SNPH: variants seen among roughly 807,000 people sequenced by gnomAD.
SNPH encodes the protein syntaphilin.
In SNPH, 10 loss-of-function variants were observed where a neutral mutation model predicts 36.8. The ratio of observed to expected loss-of-function variants is 0.27; its 90% CI spans 0.17 to 0.46. The LOEUF (loss-of-function observed/expected upper bound fraction) is 0.46. SNPH is among the 20% of genes least tolerant of loss of function. The probability of loss-of-function intolerance (pLI) is 1.00; values close to 1 mark genes in which losing one functional copy is unlikely to be tolerated. For synonymous variants in SNPH, 281 were observed against 312.2 expected (o/e 0.90, Z 1.05); for missense variants, 622 against 744.0 (o/e 0.84, Z 1.91).
chr20:1,274,697 G>A (rs1334609757), intron 2 of SNPH, among the ~76,000 whole-genome samples: 1 of 152,220 alleles, frequency 6.6e-6, no homozygotes, highest in Non-Finnish European at 1.5e-5. Flanking sequence ...GACTGTGTAA[G>A]GACTGTGAGT....
Position 1,300,694 on chromosome 20 carries a change from G to C in SNPH, c.423G>C (p.Gln141His). 1.2e-6 allele frequency: 2 copies of C among 1,611,856 alleles called. No homozygotes were observed. The highest frequency in any genetic ancestry group is 8.5e-7 in the Non-Finnish European group (1 of 1,179,846). Residue 141 changes from glutamine (Q) to histidine (H), a missense_variant, in exon 6 of 7, where the codon CAG becomes CAC. Coordinates refer to ENST00000381867, the MANE Select transcript of SNPH (RefSeq NM_001318234.2). ...RHLKARLKDT[Q>H]DRLQDRDTEI... Reference sequence around the variant, plus strand: ...TGAAAGCCCGGCTGAAGGACACACAGGACCGGCTCCAGGACCGGTGAGCGG... The same window carrying C: ...TGAAAGCCCGGCTGAAGGACACACACGACCGGCTCCAGGACCGGTGAGCGG...
At chr20:1,270,109 GGCTCCGAAAGGCCTACAT>G (rs1194599557) in intron 2 of SNPH, among the ~76,000 whole-genome samples, 1 of 152,178 alleles carries the variant, frequency 6.6e-6, no homozygotes, top group Non-Finnish European at 1.5e-5. Context: ...TGCATCTACT[GGCTCCGAAAGGCCTACAT>G]GCACCCTTGT....
intron 2 of SNPH, among the ~76,000 whole-genome samples, chr20:1,284,511 C>T (rs926458856): frequency 2.0e-5 from 3 of 152,018 alleles, no homozygotes; most frequent in Non-Finnish European, 2.9e-5. Context: ...TTGCTAAGGA[C>T]GGTGGAGAAA....
intron 2 of SNPH, among the ~76,000 whole-genome samples, chr20:1,268,558 T>G (rs961047832): frequency 6.6e-6 from 1 of 152,164 alleles, no homozygotes; most frequent in Non-Finnish European, 1.5e-5. Context: ...TCCATAGGGT[T>G]GGGTGGGGAA....
chr20:1,297,030 T>C, intron 4 of SNPH, 115 bp from the exon 5 acceptor site: 4 of 1,465,374 alleles, frequency 2.7e-6, no homozygotes, highest in Non-Finnish European at 3.6e-6. Context: ...TTCTCTCCCC[T>C]GTGGTGACCC....
intron 2 of SNPH, among the ~76,000 whole-genome samples, chr20:1,271,599 C>G (rs1001290946): frequency 5.9e-5 from 9 of 152,158 alleles, no homozygotes; most frequent in Non-Finnish European, 8.8e-5. Flanking sequence ...GCCTTGGCCT[C>G]CCAAAGTGTC....
rs1477150321 is a variant in SNPH at position 1,295,964 on chromosome 20, C to A, written c.-276C>A. 1 of 421,548 alleles carries A rather than the reference C, an allele frequency of 2.4e-6. No homozygotes were observed. Among genetic ancestry groups the A allele is most frequent in the Non-Finnish European group, 4.2e-6 (1 of 240,720 alleles). 26.1% of individuals were successfully genotyped at this position (421,548 alleles called of 1,614,324 possible). On this transcript the variant is annotated 5_prime_UTR_variant, in exon 4 of 7. Transcript: ENST00000381867. ...GGTCCTGGGGAAGAAGCAGGCCTGG[C>A]TCGTAGAGTAGAAGACTCGGTGCCG...
At chr20:1,297,073 G>A in intron 4 of SNPH, 72 bp from the exon 5 acceptor site, 1 of 1,526,656 alleles carries the variant, frequency 6.6e-7, no homozygotes. Context: ...GCAGCGGCCT[G>A]GCAGTGTTCG....
At chr20:1,287,741 A>C (rs1175662614) in intron 2 of SNPH, among the ~76,000 whole-genome samples, 1 of 152,162 alleles carries the variant, frequency 6.6e-6, no homozygotes, top group African/African-American at 2.4e-5. Flanking sequence ...ATTTTTAGGG[A>C]TGGAAGTCTC....
Position 1,294,381 on chromosome 20 carries a change from A to C in SNPH, c.-492-570A>C, listed in dbSNP as rs1421690915. 1.3e-5 allele frequency among the ~76,000 whole-genome samples: 2 copies of C among 152,186 alleles called. No homozygotes were observed. The highest frequency in any genetic ancestry group is 1.5e-5 in the Non-Finnish European group (1 of 68,016). ...ATCCTCCTGTGCCCAGGAGGCAGTG[A>C]GCCATTTATGGCCATCCTCACAAGC... On this transcript the variant is annotated intron_variant, in intron 2 of 6. Transcript: ENST00000381867. The surrounding 1 kb of genome is among the most constrained non-coding windows in gnomAD (Gnocchi z 4.4).
At chr20:1,271,682 A>G (rs2088074917) in intron 2 of SNPH, among the ~76,000 whole-genome samples, 1 of 152,250 alleles carries the variant, frequency 6.6e-6, no homozygotes, top group Non-Finnish European at 1.5e-5. Flanking sequence ...CTTGAGGAAG[A>G]ATAAGATAAA....
Position 1,266,743 on chromosome 20 carries a change from G to A in SNPH, c.-510G>A, listed in dbSNP as rs2088010565. 2 of 1,396,568 alleles carry A rather than the reference G, an allele frequency of 1.4e-6. No homozygotes were observed. Among genetic ancestry groups the A allele is most frequent in the East Asian group, 6.1e-5 (2 of 32,614 alleles). The allele number at this position is 1,396,568 out of a possible 1,614,324, so 86.5% of individuals were successfully genotyped here. On this transcript the variant is annotated 5_prime_UTR_variant, in exon 2 of 7. Coordinates refer to ENST00000381867, the MANE Select transcript of SNPH (RefSeq NM_001318234.2). The surrounding 1 kb of genome is among the most constrained non-coding windows in gnomAD (Gnocchi z 6.0). ...AGTGGTGCGAGCCGGCGGGGCTGCG[G>A]AGGGCCAGTGGACTCAGGTGAGGAG...
In SNPH at chr20:1,288,619, C is replaced by CTTT. The variant is rs201764007; in HGVS notation, c.-492-6327_-492-6325dup. 1.1e-4 allele frequency among the ~76,000 whole-genome samples: 16 copies of CTTT among 140,782 alleles called. 2 individuals carry two copies. Among genetic ancestry groups the CTTT allele is most frequent in the African/African-American group, 1.0e-4 (4 of 38,620 alleles). The allele number at this position is 140,782 out of a possible 152,430, so 92.4% of individuals were successfully genotyped here. ...GAAGGCACATGAGGAATTTCTTTTT[C>CTTT]TTTTTTTCTTTTTTTTTTTGAGATG... On this transcript the variant is annotated intron_variant, in intron 2 of 6. Transcript: ENST00000381867.
Position 1,285,567 on chromosome 20 carries a change from A to G in SNPH, c.-492-9384A>G, listed in dbSNP as rs189303198. Among the ~76,000 whole-genome samples the G allele has an allele frequency of 7.2e-4, 110 of 152,314 alleles. No homozygotes were observed. The highest frequency in any genetic ancestry group is 2.4e-3 in the African/African-American group (99 of 41,564). On this transcript the variant is annotated intron_variant, in intron 2 of 6. Coordinates refer to ENST00000381867, the MANE Select transcript of SNPH (RefSeq NM_001318234.2). The surrounding 1 kb of genome is among the most constrained non-coding windows in gnomAD (Gnocchi z 4.9). The stretch of plus-strand genomic sequence containing the variant: ...TTCACACGTGTTATTGCTCATTGTG[A>G]TTATACTCATGCACAACTGTAATTA...
chr20:1,268,398 C>G (rs950955608), intron 2 of SNPH, among the ~76,000 whole-genome samples: 1 of 152,110 alleles, frequency 6.6e-6, no homozygotes, highest in African/African-American at 2.4e-5. Context: ...CTAGAGTCAC[C>G]CTGAGGCCAG....
At chr20:1,282,110 C>T (rs530556666) in intron 2 of SNPH, among the ~76,000 whole-genome samples, 5 of 152,190 alleles carry the variant, frequency 3.3e-5, no homozygotes, top group Non-Finnish European at 5.9e-5. Flanking sequence ...AAGTAGAAAA[C>T]CCAGCTAATA....
intron 6 of SNPH, among the ~76,000 whole-genome samples, chr20:1,303,222 G>A (rs1489511005): frequency 3.9e-5 from 6 of 152,200 alleles, no homozygotes; most frequent in Non-Finnish European, 7.3e-5. Flanking sequence ...CTGTGCTTTC[G>A]TATCTGTGTC....
chr20:1,268,371 C>T (rs1255749904), intron 2 of SNPH, among the ~76,000 whole-genome samples: 1 of 152,172 alleles, frequency 6.6e-6, no homozygotes, highest in Non-Finnish European at 1.5e-5. Context: ...CTCTCTTGCC[C>T]TCCCTGGAGT....
At chr20:1,288,839 C>T (rs549010965) in intron 2 of SNPH, among the ~76,000 whole-genome samples, 28 of 152,184 alleles carry the variant, frequency 1.8e-4, no homozygotes, top group Admixed American at 1.7e-3. Context: ...CCAGGCTGGT[C>T]TTGAAATCCT....
Sources: gnomAD v4.1 joint callset for allele counts (sites outside exome capture counted in the v4.1 genomes callset) on GRCh38, gnomAD v4.1.1 for gene constraint, Gnocchi (gnomAD v3.1) non-coding constraint, MANE v1.5 for transcripts, NCBI Gene and HGNC (gene_info 2026-07-23, HGNC 2026-07-21) for gene names.